PTPRN2: variants seen among roughly 807,000 people sequenced by gnomAD.
PTPRN2 encodes receptor-type tyrosine-protein phosphatase N2.
Under a neutral mutation model 118.8 loss-of-function variants are expected in PTPRN2, and 74 were observed. That is an observed-to-expected ratio of 0.62 (90% CI 0.52 to 0.76). PTPRN2 has a LOEUF of 0.76. Among genes scored for constraint, PTPRN2 ranks in the 30% least tolerant of loss-of-function variants. The pLI, the probability that PTPRN2 is intolerant of heterozygous loss-of-function variation, is 0.00. For missense variants in PTPRN2, 1,481 were observed against 1,394.4 expected, an observed-to-expected ratio of 1.06 and a Z score of -0.99; for synonymous variants, 641 against 608.0, an observed-to-expected ratio of 1.05 and a Z score of -0.80.
At chr7:158,070,645 CATG>C in intron 11 of PTPRN2, among the ~76,000 whole-genome samples, 1 of 107,568 alleles carries the variant, frequency 9.3e-6, no homozygotes, top group African/African-American at 4.3e-5. Flanking sequence ...TGGAGGTGCC[CATG>C]GTGGTGGAGG....
chr7:157,994,728 C>A (rs1381170942), intron 11 of PTPRN2, among the ~76,000 whole-genome samples: 1 of 39,268 alleles, frequency 2.5e-5, no homozygotes, highest in African/African-American at 1.3e-4. Flanking sequence ...CGCCGTGTCC[C>A]CAGCTTACAA....
chr7:157,887,642 TCC>T (rs1563209900), intron 12 of PTPRN2, among the ~76,000 whole-genome samples: 1 of 6,128 alleles, frequency 1.6e-4, no homozygotes, highest in East Asian at 4.8e-3. Context: ...CCATACCCAC[TCC>T]CCAGTACCCA....
chr7:158,251,534 G>A (rs528538442), intron 3 of PTPRN2, among the ~76,000 whole-genome samples: 87 of 137,884 alleles, frequency 6.3e-4, no homozygotes, highest in Non-Finnish European at 1.2e-3. Flanking sequence ...GCATGTGGGG[G>A]GTGTGCAATG....
In PTPRN2 at chr7:157,779,426, T is replaced by C. The variant is rs569135864; in HGVS notation, c.1789-96489A>G. Among the ~76,000 whole-genome samples the C allele has an allele frequency of 1.8e-4, 27 of 152,294 alleles. No homozygotes were observed. The highest frequency in any genetic ancestry group is 1.7e-3 in the Admixed American group (26 of 15,306). Reference sequence around the variant, plus strand: ...CCTGGGACCCTGCAGGCTGCCAGAATGACCGCCCACCCGCTGCCCCTCACC... The same window carrying C: ...CCTGGGACCCTGCAGGCTGCCAGAACGACCGCCCACCCGCTGCCCCTCACC... On this transcript the variant is annotated intron_variant, in intron 12 of 22. Transcript: ENST00000389418. This position sits in a 1 kb window ranked among gnomAD's most constrained non-coding sequence, Gnocchi z 4.7.
intron 3 of PTPRN2, among the ~76,000 whole-genome samples, chr7:158,272,014 C>A (rs1040486673): frequency 3.3e-5 from 5 of 152,332 alleles, no homozygotes; most frequent in African/African-American, 9.6e-5. Context: ...GTTTGACATT[C>A]TTTTAGGGTT....
chr7:157,875,167 C>G (rs942354363), intron 12 of PTPRN2, among the ~76,000 whole-genome samples: 3 of 152,210 alleles, frequency 2.0e-5, no homozygotes, highest in African/African-American at 4.8e-5. Flanking sequence ...GTGTCGGGGT[C>G]ACCTTGACTT....
intron 6 of PTPRN2, among the ~76,000 whole-genome samples, chr7:158,146,514 G>GA (rs1820032355): frequency 1.3e-5 from 2 of 152,040 alleles, no homozygotes; most frequent in Non-Finnish European, 2.9e-5. Flanking sequence ...GAGGTCAGGA[G>GA]ATCAAGACCA....
intron 20 of PTPRN2, among the ~76,000 whole-genome samples, chr7:157,570,163 G>A (rs756537477): frequency 8.5e-5 from 13 of 152,250 alleles, no homozygotes; most frequent in Admixed American, 2.0e-4. Context: ...GGCCTGGGCC[G>A]CCACGTAACC....
In PTPRN2 at chr7:158,389,148, C is replaced by T. The variant is rs541916814; in HGVS notation, c.164-72216G>A. On this transcript the variant is annotated intron_variant, in intron 2 of 22. Coordinates refer to ENST00000389418, the MANE Select transcript of PTPRN2 (RefSeq NM_002847.5). ...GGAAACAGGCGTCCGAAGGGCCACA[C>T]CTGGGCCCTGAAGCCCTCGGCAGGA... Among the ~76,000 whole-genome samples the T allele has an allele frequency of 3.9e-5, 6 of 152,348 alleles. No individual in the cohort carries two copies. In the South Asian group the frequency reaches 1.0e-3, roughly 26 times the overall value.
intron 3 of PTPRN2, among the ~76,000 whole-genome samples, chr7:158,310,255 C>T (rs762749975): frequency 4.6e-5 from 7 of 152,162 alleles, no homozygotes; most frequent in African/African-American, 9.7e-5. Flanking sequence ...AAGCCTCCTT[C>T]GCCATGGATG....
At chr7:158,051,111 G>T (rs3935178) in intron 11 of PTPRN2, among the ~76,000 whole-genome samples, 5,840 of 152,338 alleles carry the variant, frequency 0.038, 164 homozygotes, top group Non-Finnish European at 0.059. Context: ...GCCCATGGGG[G>T]GCATCTGCAG....
chr7:158,252,369 G>A (rs918953717), intron 3 of PTPRN2, among the ~76,000 whole-genome samples: 8 of 152,218 alleles, frequency 5.3e-5, no homozygotes, highest in African/African-American at 9.6e-5. Context: ...GTCACCGTTC[G>A]GATGGCTCAG....
At position 158,407,860 on chromosome 7, in the gene PTPRN2, G is replaced by T. The variant is rs192995112; in HGVS notation, c.163+81875C>A. 1.7e-3 allele frequency among the ~76,000 whole-genome samples: 261 copies of T among 152,348 alleles called. 1 individual carries two copies. The highest frequency in any genetic ancestry group is 6.1e-3 in the African/African-American group (253 of 41,574). On this transcript the variant is annotated intron_variant, in intron 2 of 22. Transcript: ENST00000389418. ...GGACCATGAGTTCATGGCGTGATTA[G>T]CTGGGAGGTTTGGAAACAGCAAAAG...
Position 157,572,791 on chromosome 7 carries a change from C to T in PTPRN2, c.2784-1298G>A, listed in dbSNP as rs1373201863. The stretch of plus-strand genomic sequence containing the variant: ...GCCAGGACGCACTTGATCTGTGCTG[C>T]CCTCTGGTCTGTGAAACACGAGGCT... On this transcript the variant is annotated intron_variant, in intron 19 of 22. Coordinates refer to ENST00000389418, the MANE Select transcript of PTPRN2 (RefSeq NM_002847.5). Among the ~76,000 whole-genome samples the T allele has an allele frequency of 2.0e-5, 3 of 152,240 alleles. 1 individual carries two copies. Among genetic ancestry groups the T allele is most frequent in the South Asian group, 4.1e-4 (2 of 4,832 alleles).
chr7:158,453,898 G>T (rs13235088), intron 2 of PTPRN2, among the ~76,000 whole-genome samples: 1 of 81,366 alleles, frequency 1.2e-5, no homozygotes, highest in African/African-American at 4.1e-5. Flanking sequence ...CACAATCACC[G>T]ATGTCAGGAT....
intron 3 of PTPRN2, among the ~76,000 whole-genome samples, chr7:158,280,993 G>A (rs929295632): frequency 2.0e-5 from 3 of 152,170 alleles, no homozygotes; most frequent in East Asian, 1.9e-4. Flanking sequence ...CCATGTGCTC[G>A]TCATCACAGC....
intron 12 of PTPRN2, among the ~76,000 whole-genome samples, chr7:157,897,995 G>A (rs1218543508): frequency 6.6e-6 from 1 of 152,280 alleles, no homozygotes; most frequent in Non-Finnish European, 1.5e-5. Flanking sequence ...AGTTCATTAA[G>A]TTGTCATGTC....
intron 13 of PTPRN2, chr7:157,669,527 C>T: frequency 2.0e-6 from 1 of 490,234 alleles, no homozygotes; most frequent in South Asian, 1.5e-5. Flanking sequence ...CACGACGACA[C>T]CCAGTCAGGG....
Position 157,550,804 on chromosome 7 carries a change from G to A in PTPRN2, c.2903-1785C>T, listed in dbSNP as rs1040548166. Among the ~76,000 whole-genome samples, 1 of 152,208 alleles carries A rather than the reference G, an allele frequency of 6.6e-6. No individual in the cohort carries two copies. Among genetic ancestry groups the A allele is most frequent in the Non-Finnish European group, 1.5e-5 (1 of 68,030 alleles). Reference sequence around the variant, plus strand: ...CAGGGAACTAGCTGGCAGCTCACGCGGGTGGAAGGCGGGGTCAGGTGCACG... The same window carrying A: ...CAGGGAACTAGCTGGCAGCTCACGCAGGTGGAAGGCGGGGTCAGGTGCACG... On this transcript the variant is annotated intron_variant, in intron 21 of 22. Transcript: ENST00000389418. The surrounding 1 kb of genome is among the most constrained non-coding windows in gnomAD (Gnocchi z 5.2).
Sources: gnomAD v4.1 joint callset for allele counts (sites outside exome capture counted in the v4.1 genomes callset) on GRCh38, gnomAD v4.1.1 for gene constraint, Gnocchi (gnomAD v3.1) non-coding constraint, MANE v1.5 for transcripts, NCBI Gene and HGNC (gene_info 2026-07-23, HGNC 2026-07-21) for gene names.